Variants in LHFPL3 observed in about 807,000 individuals in gnomAD.
LHFPL3 encodes LHFPL tetraspan subfamily member 3 protein.
Under a neutral mutation model 19.3 loss-of-function variants are expected in LHFPL3, and 5 were observed. The observed-to-expected ratio is 0.26, with a 90% CI of 0.14 to 0.54. The LOEUF (loss-of-function observed/expected upper bound fraction) is 0.54, where lower values mean the gene tolerates loss of function less well. LHFPL3 is among the 20% of genes least tolerant of loss of function. The pLI is 0.94. For synonymous variants in LHFPL3, 133 were observed against 126.2 expected (o/e 1.05, Z -0.36); for missense variants, 249 against 307.4 (o/e 0.81, Z 1.42).
chr7:104,730,533 T>C (rs1032680880), intron 1 of LHFPL3, among the ~76,000 whole-genome samples: 1 of 152,250 alleles, frequency 6.6e-6, no homozygotes, highest in Non-Finnish European at 1.5e-5. Flanking sequence ...GGTGGCTGCA[T>C]AAATGTCTTC....
intron 1 of LHFPL3, among the ~76,000 whole-genome samples, chr7:104,424,755 G>T (rs537745576): frequency 6.6e-6 from 1 of 152,074 alleles, no homozygotes; most frequent in South Asian, 2.1e-4. Flanking sequence ...ACTTTGGGAG[G>T]CCAAGGCAGG....
chr7:104,580,593 G>T (rs374036983), intron 1 of LHFPL3, among the ~76,000 whole-genome samples: 35 of 152,090 alleles, frequency 2.3e-4, no homozygotes, highest in African/African-American at 8.4e-4. Context: ...ATAAAGTTAG[G>T]CATATTATTC....
chr7:104,811,637 C>A (rs1445297818), intron 2 of LHFPL3, among the ~76,000 whole-genome samples: 3 of 152,156 alleles, frequency 2.0e-5, no homozygotes, highest in Non-Finnish European at 2.9e-5. Flanking sequence ...CATTTCATAT[C>A]CAGATGACAG....
intron 1 of LHFPL3, among the ~76,000 whole-genome samples, chr7:104,451,188 G>A (rs901707151): frequency 3.9e-5 from 6 of 152,212 alleles, no homozygotes; most frequent in African/African-American, 1.2e-4. Context: ...TGGCTAATTC[G>A]TTTTTTTCAT....
chr7:104,362,674 T>TACTG, intron 1 of LHFPL3, among the ~76,000 whole-genome samples: 1 of 152,194 alleles, frequency 6.6e-6, no homozygotes, highest in East Asian at 1.9e-4. Context: ...GAGAAAGAGT[T>TACTG]TAATACTGTA....
At chr7:104,548,697 C>T (rs929942290) in intron 1 of LHFPL3, among the ~76,000 whole-genome samples, 15 of 152,156 alleles carry the variant, frequency 9.9e-5, no homozygotes, top group African/African-American at 3.4e-4. Context: ...TGTTAGCCAG[C>T]CCAGGTGAGT....
chr7:104,683,404 C>T (rs1046558343), intron 1 of LHFPL3, among the ~76,000 whole-genome samples: 3 of 152,198 alleles, frequency 2.0e-5, no homozygotes, highest in African/African-American at 7.2e-5. Context: ...CTCTATTACT[C>T]CTATTTTGTG....
rs1296076972 is a variant in LHFPL3 at position 104,408,561 on chromosome 7, A to G, written c.445+79337A>G. ...TGGCTTCATGCAAATTGAGCAGATC[A>G]TCTCTGTGGGGTAAAATCTTAAAAA... On this transcript the variant is annotated intron_variant, in intron 1 of 2. Coordinates refer to ENST00000424859, the MANE Select transcript of LHFPL3 (RefSeq NM_199000.3). Among the ~76,000 whole-genome samples, 4 of 152,202 alleles carry G rather than the reference A, an allele frequency of 2.6e-5. No individual in the cohort carries two copies. The East Asian group carries it at 7.7e-4, about 29-fold the overall frequency.
chr7:104,585,480 AACAC>A (rs57028058), intron 1 of LHFPL3, among the ~76,000 whole-genome samples: 8,306 of 123,406 alleles, frequency 0.067, 407 homozygotes, highest in African/African-American at 0.15. Context: ...AACACACACA[AACAC>A]ACACACACAC....
intron 1 of LHFPL3, among the ~76,000 whole-genome samples, chr7:104,603,652 T>C (rs1265023211): frequency 6.6e-6 from 1 of 152,204 alleles, no homozygotes; most frequent in Non-Finnish European, 1.5e-5. Flanking sequence ...AGTTATTTAC[T>C]TCCAAAATAC....
intron 2 of LHFPL3, among the ~76,000 whole-genome samples, chr7:104,845,004 T>C (rs1001535719): frequency 2.6e-5 from 4 of 152,208 alleles, no homozygotes; most frequent in African/African-American, 9.7e-5. Context: ...CCTCCCAAAG[T>C]GTTGGGATTA....
chr7:104,592,239 C>T (rs1158534679), intron 1 of LHFPL3, among the ~76,000 whole-genome samples: 1 of 152,100 alleles, frequency 6.6e-6, no homozygotes, highest in Non-Finnish European at 1.5e-5. Flanking sequence ...TCTGGTTTCT[C>T]CCCATGTTTG....
chr7:104,392,468 G>T (rs1328775660), intron 1 of LHFPL3, among the ~76,000 whole-genome samples: 2 of 151,784 alleles, frequency 1.3e-5, no homozygotes, highest in Non-Finnish European at 2.9e-5. Flanking sequence ...CTTTGGTTCT[G>T]TTTATATGCT....
At chr7:104,590,417 G>C (rs1193297610) in intron 1 of LHFPL3, among the ~76,000 whole-genome samples, 1 of 152,142 alleles carries the variant, frequency 6.6e-6, no homozygotes, top group East Asian at 1.9e-4. Context: ...ATGTAGTTGA[G>C]CGGTTTTGAG....
At chr7:104,389,951 G>A (rs1415561260) in intron 1 of LHFPL3, among the ~76,000 whole-genome samples, 2 of 152,042 alleles carry the variant, frequency 1.3e-5, no homozygotes, top group South Asian at 2.1e-4. Flanking sequence ...CTGATCTTGG[G>A]TAATGCTTTC....
chr7:104,824,057 A>T (rs1790731034), intron 2 of LHFPL3, among the ~76,000 whole-genome samples: 1 of 139,960 alleles, frequency 7.1e-6, no homozygotes, highest in Admixed American at 8.0e-5. Context: ...GAGGCAGGGG[A>T]ATCACTTGAA....
intron 2 of LHFPL3, among the ~76,000 whole-genome samples, chr7:104,777,592 T>C (rs1283826053): frequency 2.0e-5 from 3 of 152,220 alleles, no homozygotes; most frequent in Admixed American, 1.3e-4. Flanking sequence ...CTTGGCCTGA[T>C]GCAAATCCCC....
chr7:104,603,604 T>TA (rs1422373482), intron 1 of LHFPL3, among the ~76,000 whole-genome samples: 1 of 152,290 alleles, frequency 6.6e-6, no homozygotes, highest in South Asian at 2.1e-4. Context: ...CATCCTGAGG[T>TA]AAAATCCCTC....
At chr7:104,724,856 G>T (rs1368823408) in intron 1 of LHFPL3, among the ~76,000 whole-genome samples, 2 of 152,182 alleles carry the variant, frequency 1.3e-5, no homozygotes, top group African/African-American at 2.4e-5. Flanking sequence ...TAGCCTGAAG[G>T]AGACCCGAAA....
Sources: gnomAD v4.1 joint callset for allele counts (sites outside exome capture counted in the v4.1 genomes callset) on GRCh38, gnomAD v4.1.1 for gene constraint, MANE v1.5 for transcripts, NCBI Gene and HGNC (gene_info 2026-07-23, HGNC 2026-07-21) for gene names.